MTIF2: variants seen among roughly 807,000 people sequenced by gnomAD.
MTIF2 encodes translation initiation factor IF-2, mitochondrial.
In MTIF2, 71 loss-of-function variants were observed where a neutral mutation model predicts 83.5. The observed-to-expected ratio is 0.85, with a 90% CI of 0.70 to 1.04. MTIF2 has a LOEUF of 1.04. MTIF2 is among the 50% of genes least tolerant of loss of function. The pLI, the probability that MTIF2 is intolerant of heterozygous loss-of-function variation, is 0.00. For synonymous variants in MTIF2, 319 were observed against 287.1 expected (o/e 1.11, Z -1.12); for missense variants, 957 against 846.5 (o/e 1.13, Z -1.62).
At position 55,237,502 on chromosome 2, in the gene MTIF2, G is replaced by A. The variant is rs1041185970; in HGVS notation, c.1871-74C>T. The A allele has an allele frequency of 2.3e-5, 33 of 1,423,998 alleles. 1 individual carries two copies. The South Asian group carries it at 4.5e-4, about 19-fold the overall frequency. The allele number at this position is 1,423,998 out of a possible 1,614,324, so 88.2% of individuals were successfully genotyped here. A position where few individuals can be genotyped will look rare whatever the true frequency, so the allele number is the denominator to read the frequency against. ...AAATACGTAATTTCTGACATTCTGTGGTATAAGAATTAAAGGTATGACAAA... is the reference window on the plus strand; with the variant it reads ...AAATACGTAATTTCTGACATTCTGTAGTATAAGAATTAAAGGTATGACAAA... On this transcript the variant is annotated intron_variant, in intron 14 of 15. Coordinates refer to ENST00000263629, the MANE Select transcript of MTIF2 (RefSeq NM_002453.3).
chr2:55,237,518 G>A, intron 14 of MTIF2, 90 bp from the exon 15 acceptor site: 1 of 1,284,686 alleles, frequency 7.8e-7, no homozygotes, highest in Non-Finnish European at 1.0e-6. Context: ...AGAATTAAAG[G>A]TATGACAAAA....
chr2:55,239,968 C>T (rs1239456039), intron 14 of MTIF2, 43 bp downstream of exon 14: 1 of 1,550,844 alleles, frequency 6.4e-7, no homozygotes, highest in Non-Finnish European at 8.8e-7. Context: ...TTTATAGCAC[C>T]TAATATACTA....
Position 55,236,827 on chromosome 2 carries a change from AAAG to A in MTIF2, c.2012-10_2012-8del, listed in dbSNP as rs1420923225. The A allele has an allele frequency of 8.9e-6, 14 of 1,570,488 alleles. No individual in the cohort carries two copies. The highest frequency in any genetic ancestry group is 1.2e-5 in the Non-Finnish European group (14 of 1,164,252). The stretch of plus-strand genomic sequence containing the variant: ...TTCAATGAGGTTAATGAGCCTTAAA[AAAG>A]ATAATTTAAGGTTAGTATATTCAAT... On this transcript the variant is annotated splice_polypyrimidine_tract_variant and splice_region_variant and intron_variant, in intron 15 of 15. Coordinates refer to ENST00000263629, the MANE Select transcript of MTIF2 (RefSeq NM_002453.3).
intron 8 of MTIF2, among the ~76,000 whole-genome samples, chr2:55,251,522 T>C (rs1247391971): frequency 6.6e-6 from 1 of 152,172 alleles, no homozygotes; most frequent in Non-Finnish European, 1.5e-5. Context: ...CTTTTAAAAA[T>C]CTTGCCAGTA....
intron 9 of MTIF2, among the ~76,000 whole-genome samples, chr2:55,248,382 T>C (rs1676853360): frequency 6.6e-6 from 1 of 152,064 alleles, no homozygotes; most frequent in Non-Finnish European, 1.5e-5. Context: ...AAAGTAAAGA[T>C]GAAGTGAGAT....
intron 13 of MTIF2, 131 bp downstream of exon 13, chr2:55,242,809 G>T: frequency 4.6e-6 from 4 of 878,026 alleles, no homozygotes; most frequent in Non-Finnish European, 5.2e-6. Context: ...GCTGGGACTG[G>T]ACTATAGCAG....
intron 3 of MTIF2, among the ~76,000 whole-genome samples, chr2:55,265,505 TAA>T (rs1373082926): frequency 6.6e-6 from 1 of 152,042 alleles, no homozygotes; most frequent in Non-Finnish European, 1.5e-5. Flanking sequence ...CTATAAATTG[TAA>T]AGTCATTTTA....
At position 55,236,832 on chromosome 2, in the gene MTIF2, T is replaced by TA; in HGVS notation, c.2012-13dup. 6.4e-7 allele frequency: 1 copy of TA among 1,560,792 alleles called. No individual in the cohort carries two copies. Among genetic ancestry groups the TA allele is most frequent in the Non-Finnish European group, 8.6e-7 (1 of 1,158,216 alleles). On this transcript the variant is annotated splice_polypyrimidine_tract_variant and intron_variant, in intron 15 of 15. Coordinates refer to ENST00000263629, the MANE Select transcript of MTIF2 (RefSeq NM_002453.3). The stretch of plus-strand genomic sequence containing the variant: ...TGAGGTTAATGAGCCTTAAAAAAGA[T>TA]AATTTAAGGTTAGTATATTCAATAA...
chr2:55,252,808 C>A (rs148440965), intron 7 of MTIF2, among the ~76,000 whole-genome samples, 155 bp from the exon 8 acceptor site: 4 of 152,146 alleles, frequency 2.6e-5, no homozygotes, highest in Admixed American at 2.6e-4. Context: ...CATCATTTCA[C>A]AATGAAAAGT....
rs1478317885 is a variant in MTIF2, at chr2:55,252,453, T to C, written c.841+24A>G. 1.9e-6 allele frequency: 3 copies of C among 1,605,148 alleles called. No homozygotes were observed. The African/African-American group carries it at 4.0e-5, about 21-fold the overall frequency. ...CAGAACTTTGACTTTATGTAGTAGA[T>C]CCATTAAGTCAGCCACACAGTACCC... On this transcript the variant is annotated intron_variant, in intron 8 of 15. Coordinates refer to ENST00000263629, the MANE Select transcript of MTIF2 (RefSeq NM_002453.3).
chr2:55,243,304 C>T (rs1676456844), intron 12 of MTIF2, 112 bp downstream of exon 12: 3 of 1,190,332 alleles, frequency 2.5e-6, no homozygotes, highest in Non-Finnish European at 3.5e-6. Context: ...CTAAGAAAAA[C>T]TCTCCTAAAA....
Position 55,244,039 on chromosome 2 carries a change from A to G in MTIF2, c.1301T>C (p.Val434Ala), listed in dbSNP as rs774689911. ...TTAAGCTTGATACACCTCAGATTCT[A>G]CTTCAAGAATTTCTTCTCCTGCAGA... is the stretch of plus-strand genomic sequence containing the variant. ...LPSAGEEILEVESEPRAREVV... is the reference protein window; with the variant it reads ...LPSAGEEILEAESEPRAREVV... Residue 434 changes from valine to alanine, a missense_variant, in exon 11 of 16, where the codon GTA becomes GCA. Val to Ala is a moderately conservative substitution (Grantham distance 64). Coordinates refer to ENST00000263629, the MANE Select transcript of MTIF2 (RefSeq NM_002453.3). The G allele has an allele frequency of 1.9e-6, 3 of 1,613,734 alleles. No homozygotes were observed. In the African/African-American group the frequency reaches 4.0e-5, roughly 22 times the overall value.
At position 55,249,400 on chromosome 2, in the gene MTIF2, G is replaced by C; in HGVS notation, c.976C>G (p.Leu326Val). The change falls in exon 9 of 16, where the codon CTT becomes GTT. Residue 326 changes from leucine to valine, a missense_variant. Physicochemically the swap from Leu to Val is conservative, Grantham distance 32. This residue lies in a region of MTIF2 where 733 missense variants were observed against 648.7 expected (regional missense o/e 1.13). Transcript: ENST00000263629. Reference protein sequence around the residue: ...GDVQAVPVSALTGDNLMALAE... With the variant: ...GDVQAVPVSAVTGDNLMALAE... ...TATGAGGTCCCCGCATTTACCGTAA[G>C]TGCGGAGACAGGCACTGCTTGAACA... 6.2e-7 allele frequency: 1 copy of C among 1,614,080 alleles called. No individual in the cohort carries two copies. Among genetic ancestry groups the C allele is most frequent in the Non-Finnish European group, 8.5e-7 (1 of 1,179,974 alleles).
At chr2:55,246,146 G>T (rs1486706279) in intron 10 of MTIF2, among the ~76,000 whole-genome samples, 191 bp downstream of exon 10, 2 of 152,158 alleles carry the variant, frequency 1.3e-5, no homozygotes, top group African/African-American at 4.8e-5. Flanking sequence ...AGCTGCTATG[G>T]TCTACTGATA....
intron 3 of MTIF2, chr2:55,266,577 T>G (rs923143797): frequency 6.7e-6 from 1 of 149,322 alleles, no homozygotes; most frequent in African/African-American, 2.4e-5. Context: ...ATGGCATTTC[T>G]ACAATATGCT....
chr2:55,243,082 T>C lies in MTIF2; in HGVS notation c.1565-2A>G. 3.2e-6 allele frequency: 5 copies of C among 1,585,526 alleles called. No individual in the cohort carries two copies. In the East Asian group the frequency reaches 1.1e-4, roughly 36 times the overall value. ...CCTCAACAGAACCATCAACATCACC[T>C]AAATACAGAAAAAGTTTATAATTGT... On this transcript the variant is annotated splice_acceptor_variant, in intron 12 of 15. Coordinates refer to ENST00000263629, the MANE Select transcript of MTIF2 (RefSeq NM_002453.3). LOFTEE classifies it high-confidence loss of function.
At chr2:55,245,543 A>G (rs1354174059) in intron 10 of MTIF2, among the ~76,000 whole-genome samples, 1 of 152,150 alleles carries the variant, frequency 6.6e-6, no homozygotes, top group Non-Finnish European at 1.5e-5. Context: ...AGAAAGAAAT[A>G]AAGGAAAAGC....
chr2:55,263,609 CAAA>C (rs748533572), intron 4 of MTIF2, 28 bp downstream of exon 4: 1,321 of 1,300,568 alleles, frequency 1.0e-3, no homozygotes, highest in Admixed American at 1.4e-3. Context: ...GACTCCATCT[CAAA>C]AAAAAAAAAA....
chr2:55,257,261 C>A (rs981401072), intron 5 of MTIF2, among the ~76,000 whole-genome samples: 2 of 152,242 alleles, frequency 1.3e-5, no homozygotes, highest in African/African-American at 2.4e-5. Context: ...GGGCAGATCA[C>A]CTAAGATGAG....
Sources: gnomAD v4.1 joint callset for allele counts (sites outside exome capture counted in the v4.1 genomes callset) on GRCh38, gnomAD v4.1.1 for gene constraint, gnomAD v4.1.1 regional missense constraint, MANE v1.5 for transcripts, NCBI Gene and HGNC (gene_info 2026-07-23, HGNC 2026-07-21) for gene names.